The following CTTNBP2NL variants were observed in gnomAD, a reference collection of about 807,000 sequenced individuals.
The protein encoded by CTTNBP2NL is CTTNBP2 N-terminal like.
Under a neutral mutation model 32.5 loss-of-function variants are expected in CTTNBP2NL, and 16 were observed. The ratio of observed to expected loss-of-function variants is 0.49; its 90% CI spans 0.33 to 0.75. The LOEUF is 0.75. Ranked by LOEUF, CTTNBP2NL falls within the 30% of genes least tolerant of loss-of-function variation. The probability of loss-of-function intolerance (pLI) is 0.02; values close to 1 mark genes in which losing one functional copy is unlikely to be tolerated. For missense variants in CTTNBP2NL, 645 were observed against 756.0 expected (o/e 0.85, Z 1.72); for synonymous variants, 298 against 289.4 (o/e 1.03, Z -0.30).
chr1:112,400,609 A>T (rs1648468769), intron 1 of CTTNBP2NL, among the ~76,000 whole-genome samples: 1 of 152,162 alleles, frequency 6.6e-6, no homozygotes, highest in Admixed American at 6.5e-5. Flanking sequence ...CCTGACCAAC[A>T]TGGAGAAACC....
chr1:112,395,639 T>C (rs758879854), upstream of CTTNBP2NL, among the ~76,000 whole-genome samples: 18 of 152,082 alleles, frequency 1.2e-4, no homozygotes, highest in Non-Finnish European at 2.5e-4. Context: ...TCCTCTTCTG[T>C]ACAAAATGTG....
intron 1 of CTTNBP2NL, among the ~76,000 whole-genome samples, chr1:112,408,220 A>ATTTTTTT (rs397981257): frequency 1.1e-3 from 117 of 103,720 alleles, no homozygotes; most frequent in Non-Finnish European, 1.4e-3. Context: ...TTTTTTTTTA[A>ATTTTTTT]TTTTTTTTTT....
intron 3 of CTTNBP2NL, among the ~76,000 whole-genome samples, chr1:112,447,728 C>CT (rs950454014): frequency 9.9e-5 from 15 of 151,676 alleles, no homozygotes; most frequent in African/African-American, 3.4e-4. Flanking sequence ...GCAAATTTCC[C>CT]TTTTTTTTAA....
At position 112,457,370 on chromosome 1, in the gene CTTNBP2NL, A is replaced by C; in HGVS notation, c.1878A>C (p.Ala626=). Residue 626 remains alanine (A), a synonymous_variant, in exon 6 of 6, where the codon GCA becomes GCC. Coordinates refer to ENST00000271277, the MANE Select transcript of CTTNBP2NL (RefSeq NM_018704.3). ...ASSCSSNTVV[A]NGKDVELLLP... ...GCTGCTCTTCCAATACTGTTGTAGC[A>C]AATGGTAAGGATGTTGAGTTACTTT... 6.2e-7 allele frequency: 1 copy of C among 1,614,114 alleles called. No individual in the cohort carries two copies. The highest frequency in any genetic ancestry group is 8.5e-7 in the Non-Finnish European group (1 of 1,179,990).
chr1:112,455,216 A>G (rs1441130461), intron 5 of CTTNBP2NL, among the ~76,000 whole-genome samples: 1 of 152,174 alleles, frequency 6.6e-6, no homozygotes, highest in East Asian at 1.9e-4. Flanking sequence ...TGTAAAAAAT[A>G]TGATTCAGGC....
chr1:112,413,455 A>G (rs1319085976), intron 2 of CTTNBP2NL, among the ~76,000 whole-genome samples: 1 of 152,202 alleles, frequency 6.6e-6, no homozygotes, highest in Non-Finnish European at 1.5e-5. Context: ...ACATTTATTA[A>G]CTTAATCTTC....
At chr1:112,438,560 A>T (rs1259109895) in intron 3 of CTTNBP2NL, among the ~76,000 whole-genome samples, 1 of 151,626 alleles carries the variant, frequency 6.6e-6, no homozygotes. Context: ...GATGCCCTTT[A>T]TTTATTTCTC....
chr1:112,460,697 G>C lies in CTTNBP2NL; in HGVS notation c.*3285G>C, dbSNP rs541903207. 1 of 152,304 alleles carries C rather than the reference G, an allele frequency of 6.6e-6. No individual in the cohort carries two copies. The highest frequency in any genetic ancestry group is 2.4e-5 in the African/African-American group (1 of 41,562). 9.4% of individuals were successfully genotyped at this position (152,304 alleles called of 1,614,324 possible). A position where few individuals can be genotyped will look rare whatever the true frequency, so the allele number is the denominator to read the frequency against. ...TTTCAACTACTCCAGCGCTGTTGCT[G>C]CTGCAATGTTAGCAAATGCAAGCCA... On this transcript the variant is annotated 3_prime_UTR_variant, in exon 6 of 6. Coordinates refer to ENST00000271277, the MANE Select transcript of CTTNBP2NL (RefSeq NM_018704.3).
upstream of CTTNBP2NL, among the ~76,000 whole-genome samples, chr1:112,391,670 A>G (rs767674886): frequency 1.4e-4 from 22 of 152,044 alleles, no homozygotes; most frequent in Non-Finnish European, 3.1e-4. Flanking sequence ...GCCACCCACT[A>G]TTCCCGCTTC....
rs768486154 is a variant in CTTNBP2NL at position 112,457,290 on chromosome 1, A to T, written c.1798A>T (p.Thr600Ser). Residue 600 changes from threonine (T) to serine (S), a missense_variant, in exon 6 of 6, where the codon ACC becomes TCC. By Grantham distance (58) the Thr-to-Ser change is moderately conservative. Coordinates refer to ENST00000271277, the MANE Select transcript of CTTNBP2NL (RefSeq NM_018704.3). ...TTCTCCATCTGCTACCACTCCATTG[A>T]CCAAAACTCATTCCCAGGCAGCCTC... ...TPSPSATTPL[T>S]KTHSQAASLT... The T allele has an allele frequency of 9.9e-6, 16 of 1,613,984 alleles. No individual in the cohort carries two copies. Among genetic ancestry groups the T allele is most frequent in the Non-Finnish European group, 1.3e-5 (15 of 1,180,016 alleles).
chr1:112,442,466 T>C (rs1005052425), intron 3 of CTTNBP2NL, among the ~76,000 whole-genome samples: 7 of 152,230 alleles, frequency 4.6e-5, no homozygotes, highest in Admixed American at 4.6e-4. Flanking sequence ...ATCTGTTCAG[T>C]ACTTGTTGAA....
At chr1:112,446,750 A>G (rs951600890) in intron 3 of CTTNBP2NL, among the ~76,000 whole-genome samples, 3 of 151,988 alleles carry the variant, frequency 2.0e-5, no homozygotes. Context: ...AGGTCTCCCT[A>G]TTTTGCCCAG....
chr1:112,455,169 A>G (rs1451941107), intron 5 of CTTNBP2NL, among the ~76,000 whole-genome samples: 1 of 152,108 alleles, frequency 6.6e-6, no homozygotes, highest in Non-Finnish European at 1.5e-5. Flanking sequence ...TCTGCCTCAA[A>G]TAGGGTTGGG....
chr1:112,452,943 C>T lies in CTTNBP2NL; in HGVS notation c.331-1506C>T, dbSNP rs376354989. On this transcript the variant is annotated intron_variant, in intron 4 of 5. Coordinates refer to ENST00000271277, the MANE Select transcript of CTTNBP2NL (RefSeq NM_018704.3). Reference sequence around the variant, plus strand: ...TTTGAGACCAGCCTGGGCAACATGGCGACACCCCATTTCTACAAAAAATCA... The same window carrying T: ...TTTGAGACCAGCCTGGGCAACATGGTGACACCCCATTTCTACAAAAAATCA... 7.4e-5 allele frequency among the ~76,000 whole-genome samples: 11 copies of T among 148,804 alleles called. No homozygotes were observed. The East Asian group carries it at 7.9e-4, about 11-fold the overall frequency.
intron 3 of CTTNBP2NL, among the ~76,000 whole-genome samples, chr1:112,420,449 G>C (rs1649195659): frequency 6.6e-6 from 1 of 151,872 alleles, no homozygotes; most frequent in East Asian, 1.9e-4. Context: ...AGCCTGGAGT[G>C]GCTATTTTTA....
chr1:112,418,651 A>G (rs1649137156), intron 3 of CTTNBP2NL, among the ~76,000 whole-genome samples: 2 of 152,144 alleles, frequency 1.3e-5, no homozygotes, highest in African/African-American at 4.8e-5. Context: ...AATACCCTCT[A>G]CAATGAAAGC....
intron 3 of CTTNBP2NL, among the ~76,000 whole-genome samples, chr1:112,440,342 GATTA>G (rs1395397134): frequency 2.0e-5 from 3 of 152,110 alleles, no homozygotes; most frequent in African/African-American, 7.2e-5. Flanking sequence ...CAATAATACC[GATTA>G]CTTATCATTT....
chr1:112,426,019 A>G (rs560587446), intron 3 of CTTNBP2NL, among the ~76,000 whole-genome samples: 2 of 148,366 alleles, frequency 1.3e-5, no homozygotes, highest in South Asian at 4.3e-4. Flanking sequence ...CTGTCTTACT[A>G]CATTGGCTAG....
intron 3 of CTTNBP2NL, among the ~76,000 whole-genome samples, chr1:112,447,563 A>G (rs1650087302): frequency 6.6e-6 from 1 of 152,190 alleles, no homozygotes; most frequent in Non-Finnish European, 1.5e-5. Context: ...AAATTTTACC[A>G]TAAGGCTAAG....
Sources: allele counts gnomAD v4.1 joint callset (sites outside exome capture counted in the v4.1 genomes callset), GRCh38; gene constraint gnomAD v4.1.1; transcripts MANE v1.5; gene names NCBI Gene and HGNC (gene_info 2026-07-23, HGNC 2026-07-21).